Variants in MORN1 observed in about 807,000 individuals in gnomAD.
The protein encoded by MORN1 is MORN repeat containing 1, also known as MORN repeat-containing protein 1.
In MORN1, 67 loss-of-function variants were observed where a neutral mutation model predicts 61.9. The ratio of observed to expected loss-of-function variants is 1.08; its 90% CI spans 0.89 to 1.33. The LOEUF (loss-of-function observed/expected upper bound fraction) is 1.33, where lower values mean the gene tolerates loss of function less well. MORN1 is among the 40% of genes most tolerant of loss of function. The pLI is 0.00. For missense variants in MORN1, 752 were observed against 691.2 expected (o/e 1.09, Z -0.99); for synonymous variants, 301 against 292.0 (o/e 1.03, Z -0.31).
At chr1:2,321,827 C>T (rs1279958402) in intron 13 of MORN1, among the ~76,000 whole-genome samples, 1 of 152,126 alleles carries the variant, frequency 6.6e-6, no homozygotes, top group Non-Finnish European at 1.5e-5. Context: ...CACCTCTGAC[C>T]TCAGGCCACA....
chr1:2,374,464 C>T lies in MORN1; in HGVS notation c.631G>A (p.Ala211Thr). 1 of 1,588,404 alleles carries T rather than the reference C, an allele frequency of 6.3e-7. No homozygotes were observed. The highest frequency in any genetic ancestry group is 8.6e-7 in the Non-Finnish European group (1 of 1,167,894). Reference protein sequence around the residue: ...YYGLWINGHPAEQATRIVILG... With the variant: ...YYGLWINGHPTEQATRIVILG... ...ACAGGAAGGCAGGGACACCTACCTGCTGGGTGGCCATTGATCCACAACCCA... is the reference window on the plus strand; with the variant it reads ...ACAGGAAGGCAGGGACACCTACCTGTTGGGTGGCCATTGATCCACAACCCA... The change falls in exon 7 of 14, where the codon GCA (alanine) becomes ACA (threonine). Residue 211 changes from alanine (A) to threonine (T), a missense_variant. Coordinates refer to ENST00000378531, the MANE Select transcript of MORN1 (RefSeq NM_024848.3).
intron 6 of MORN1, among the ~76,000 whole-genome samples, chr1:2,384,069 T>G (rs1642432645): frequency 6.6e-6 from 1 of 152,168 alleles, no homozygotes; most frequent in Non-Finnish European, 1.5e-5. Context: ...TTTCATTACG[T>G]TTTTCCCATT....
chr1:2,322,128 T>TG (rs1640895270), intron 13 of MORN1: 2 of 985,410 alleles, frequency 2.0e-6, no homozygotes, highest in South Asian at 9.4e-5. Context: ...GCGGCCCTGC[T>TG]GGGGGCACTC....
intron 10 of MORN1, among the ~76,000 whole-genome samples, chr1:2,354,437 C>T (rs1035728095): frequency 1.3e-5 from 2 of 152,098 alleles, no homozygotes; most frequent in Admixed American, 6.5e-5. Context: ...CACGGTGGCT[C>T]GTGCCTGTGG....
chr1:2,332,216 A>C, intron 12 of MORN1: 1 of 206,896 alleles, frequency 4.8e-6, no homozygotes, highest in Non-Finnish European at 9.8e-6. Flanking sequence ...TGTCCTCCTG[A>C]GGGCACCGGC....
chr1:2,336,953 G>A, intron 10 of MORN1, 103 bp from the exon 11 acceptor site: 1 of 1,276,524 alleles, frequency 7.8e-7, no homozygotes, highest in East Asian at 3.0e-5. Context: ...AGGGCAGCGG[G>A]CACAGACGCC....
intron 7 of MORN1, among the ~76,000 whole-genome samples, chr1:2,373,636 G>T (rs1642171026): frequency 6.6e-6 from 1 of 152,164 alleles, no homozygotes; most frequent in African/African-American, 2.4e-5. Flanking sequence ...CCCAGGCTCG[G>T]CCTCCATCCC....
In MORN1 at chr1:2,336,755, C is replaced by T; in HGVS notation, c.1132G>A (p.Gly378Arg). The T allele has an allele frequency of 6.3e-7, 1 of 1,599,570 alleles. No homozygotes were observed. Among genetic ancestry groups the T allele is most frequent in the Non-Finnish European group, 8.5e-7 (1 of 1,173,530 alleles). ...TDVLLGPPPP[G>R]YHPFLFLDSL... Reference sequence around the variant, plus strand: ...TCCAGGAACAGGAAGGGGTGGTACCCAGGCGGGGGCGGCCCCAGGAGGACA... The same window carrying T: ...TCCAGGAACAGGAAGGGGTGGTACCTAGGCGGGGGCGGCCCCAGGAGGACA... The change falls in exon 11 of 14, where the codon GGG becomes AGG. Residue 378 changes from glycine (G) to arginine (R), a missense_variant. By Grantham distance (125) the Gly-to-Arg change is moderately radical. Coordinates refer to ENST00000378531, the MANE Select transcript of MORN1 (RefSeq NM_024848.3).
chr1:2,326,894 C>T (rs1392163581), intron 12 of MORN1, among the ~76,000 whole-genome samples: 1 of 152,238 alleles, frequency 6.6e-6, no homozygotes, highest in Non-Finnish European at 1.5e-5. Context: ...CGACCCGGGC[C>T]TCACCCAGGG....
At position 2,357,324 on chromosome 1, in the gene MORN1, C is replaced by T. The variant is rs1641797537; in HGVS notation, c.1036+108G>A. The T allele has an allele frequency of 1.1e-5, 14 of 1,251,840 alleles. No individual in the cohort carries two copies. Among genetic ancestry groups the T allele is most frequent in the Admixed American group, 2.6e-5 (1 of 38,944 alleles). 77.5% of individuals were successfully genotyped at this position (1,251,840 alleles called of 1,614,324 possible). On this transcript the variant is annotated intron_variant, in intron 10 of 13. Coordinates refer to ENST00000378531, the MANE Select transcript of MORN1 (RefSeq NM_024848.3). This position sits in a 1 kb window ranked among gnomAD's most constrained non-coding sequence, Gnocchi z 6.3. ...CACGCGTGATGACTGACCCTGGGTGCGGCTTGCTCCTGCTCTGGCCTGGTT... is the reference window on the plus strand; with the variant it reads ...CACGCGTGATGACTGACCCTGGGTGTGGCTTGCTCCTGCTCTGGCCTGGTT...
intron 10 of MORN1, chr1:2,355,092 C>T (rs537744214): frequency 3.3e-5 from 32 of 962,036 alleles, no homozygotes; most frequent in African/African-American, 5.3e-5. Context: ...GGGGCCCGCG[C>T]GGGGTAGGGT....
chr1:2,347,758 G>A (rs1641547162), intron 10 of MORN1, among the ~76,000 whole-genome samples: 2 of 152,178 alleles, frequency 1.3e-5, no homozygotes, highest in South Asian at 2.1e-4. Context: ...GCTCCTGCTC[G>A]GCCCCCGCTG....
intron 12 of MORN1, chr1:2,326,108 A>T (rs1254617232): frequency 6.6e-6 from 1 of 152,202 alleles, no homozygotes; most frequent in East Asian, 1.9e-4. Context: ...CAGCCCACCC[A>T]GAGCTCGGAG....
intron 12 of MORN1, among the ~76,000 whole-genome samples, chr1:2,329,762 G>A (rs1445600605): frequency 1.3e-5 from 2 of 152,248 alleles, no homozygotes; most frequent in East Asian, 1.9e-4. Context: ...GGTCTGTCGA[G>A]GGTCTATTTC....
In MORN1 at chr1:2,384,969, C is replaced by A. The variant is rs761903582; in HGVS notation, c.537+9G>T. 1 of 1,559,006 alleles carries A rather than the reference C, an allele frequency of 6.4e-7. No homozygotes were observed. The highest frequency in any genetic ancestry group is 2.4e-5 in the East Asian group (1 of 42,342). ...CTCTGGGCAGCAGGTGCCGCGCGCC[C>A]CCGGGTACCTTGTAGGTGGAGCCGT... is the stretch of plus-strand genomic sequence containing the variant. On this transcript the variant is annotated intron_variant, in intron 6 of 13. Transcript: ENST00000378531.
At chr1:2,346,560 A>C (rs1641519985) in intron 10 of MORN1, among the ~76,000 whole-genome samples, 1 of 151,784 alleles carries the variant, frequency 6.6e-6, no homozygotes, top group African/African-American at 2.4e-5. Flanking sequence ...TAATTTTTGT[A>C]TTTTTAGTAG....
intron 4 of MORN1, chr1:2,387,086 C>T (rs1198325511): frequency 2.8e-6 from 1 of 358,326 alleles, no homozygotes; most frequent in Non-Finnish European, 5.3e-6. Flanking sequence ...AGAAGCCCCT[C>T]CCTGCAGGGC....
intron 10 of MORN1, among the ~76,000 whole-genome samples, chr1:2,343,173 C>T (rs554648908): frequency 2.0e-5 from 3 of 152,228 alleles, no homozygotes; most frequent in African/African-American, 4.8e-5. Context: ...GCTGCTCCTG[C>T]GTATTTGGCA....
chr1:2,379,090 C>T (rs533943509), intron 6 of MORN1: 78 of 471,146 alleles, frequency 1.7e-4, no homozygotes, highest in South Asian at 6.0e-4. Context: ...GCAGGAGACA[C>T]GGTTTGCAGA....
Sources: gnomAD v4.1 joint callset for allele counts (sites outside exome capture counted in the v4.1 genomes callset) on GRCh38, gnomAD v4.1.1 for gene constraint, Gnocchi (gnomAD v3.1) non-coding constraint, MANE v1.5 for transcripts, NCBI Gene and HGNC (gene_info 2026-07-23, HGNC 2026-07-21) for gene names.